The following PLA2R1 variants were observed in gnomAD, a reference collection of about 807,000 sequenced individuals.
PLA2R1 encodes the protein secretory phospholipase A2 receptor.
In PLA2R1, 158 loss-of-function variants were observed where a neutral mutation model predicts 195.9. The observed-to-expected ratio is 0.81, with a 90% confidence interval of 0.71 to 0.92. PLA2R1 has a LOEUF of 0.92. Among genes scored for constraint, PLA2R1 ranks in the 40% least tolerant of loss-of-function variants. The probability of loss-of-function intolerance (pLI) is 0.00; values close to 1 mark genes in which losing one functional copy is unlikely to be tolerated. For synonymous variants in PLA2R1, 586 were observed against 598.2 expected, an observed-to-expected ratio of 0.98 and a Z score of 0.30; for missense variants, 1,626 against 1,764.6, an observed-to-expected ratio of 0.92 and a Z score of 1.41.
intron 20 of PLA2R1, among the ~76,000 whole-genome samples, chr2:159,963,192 T>G (rs1688567257): frequency 6.6e-6 from 1 of 152,180 alleles, no homozygotes; most frequent in Non-Finnish European, 1.5e-5. Context: ...CAGGATAAAC[T>G]TGTTCTAACA....
intron 20 of PLA2R1, among the ~76,000 whole-genome samples, chr2:159,961,475 T>C (rs73967964): frequency 0.05 from 7,598 of 152,290 alleles, 503 homozygotes; most frequent in East Asian, 0.2. Context: ...TTGATGTTTT[T>C]AAAAAGCTCA....
intron 17 of PLA2R1, among the ~76,000 whole-genome samples, chr2:159,972,875 T>C (rs1156298507): frequency 6.6e-6 from 1 of 152,200 alleles, no homozygotes; most frequent in Non-Finnish European, 1.5e-5. Flanking sequence ...AGAGAAAATA[T>C]TGACATTCTT....
intron 11 of PLA2R1, among the ~76,000 whole-genome samples, chr2:160,003,845 A>T (rs1360941960): frequency 2.6e-5 from 4 of 152,254 alleles, no homozygotes; most frequent in African/African-American, 9.6e-5. Flanking sequence ...CAACAGGGTC[A>T]TGGCAAAGCA....
Position 160,009,796 on chromosome 2 carries a change from A to G in PLA2R1, c.1664+3467T>C, listed in dbSNP as rs112570779. ...GCAGGAAAACGGTAGAGCTGTAAAAATGCTTTAAAATAATGCACATTTAAG... is the reference window on the plus strand; with the variant it reads ...GCAGGAAAACGGTAGAGCTGTAAAAGTGCTTTAAAATAATGCACATTTAAG... On this transcript the variant is annotated intron_variant, in intron 10 of 29. Transcript: ENST00000283243. 3.7e-3 allele frequency among the ~76,000 whole-genome samples: 568 copies of G among 152,342 alleles called. 1 individual carries two copies. The highest frequency in any genetic ancestry group is 0.013 in the African/African-American group (539 of 41,568).
At chr2:159,971,692 C>T (rs918169820) in intron 17 of PLA2R1, among the ~76,000 whole-genome samples, 1 of 151,972 alleles carries the variant, frequency 6.6e-6, no homozygotes, top group Non-Finnish European at 1.5e-5. Flanking sequence ...AATTTGAAGG[C>T]ATTATATATT....
intron 6 of PLA2R1, among the ~76,000 whole-genome samples, chr2:160,025,525 G>A (rs1693447741): frequency 1.5e-5 from 2 of 132,622 alleles, no homozygotes; most frequent in Admixed American, 8.6e-5. Flanking sequence ...AAGTTAAGCA[G>A]TTATCAGTAT....
At chr2:159,960,805 C>T (rs2105190697) in intron 20 of PLA2R1, among the ~76,000 whole-genome samples, 1 of 152,198 alleles carries the variant, frequency 6.6e-6, no homozygotes, top group South Asian at 2.1e-4. Context: ...GTTTTAAAAC[C>T]CACTTAATTT....
At chr2:160,043,496 C>T (rs1257907446) in intron 2 of PLA2R1, among the ~76,000 whole-genome samples, 1 of 152,158 alleles carries the variant, frequency 6.6e-6, no homozygotes, top group African/African-American at 2.4e-5. Flanking sequence ...TGGAGAGCCC[C>T]ACCTCTTTCC....
chr2:160,058,370 C>G (rs1422112617), intron 1 of PLA2R1, among the ~76,000 whole-genome samples: 1 of 152,168 alleles, frequency 6.6e-6, no homozygotes, highest in Non-Finnish European at 1.5e-5. Flanking sequence ...CCCTCACCTC[C>G]TTTGATCACT....
At chr2:160,011,217 G>A (rs559343744) in intron 10 of PLA2R1, among the ~76,000 whole-genome samples, 3 of 152,322 alleles carry the variant, frequency 2.0e-5, no homozygotes, top group Admixed American at 1.3e-4. Context: ...GGAATATGAA[G>A]CATTTGTTCT....
chr2:160,049,083 C>T (rs1037489539), intron 1 of PLA2R1, among the ~76,000 whole-genome samples: 1 of 152,020 alleles, frequency 6.6e-6, no homozygotes, highest in African/African-American at 2.4e-5. Flanking sequence ...CCTCGTGATC[C>T]GCCCGCCTCG....
At chr2:160,007,498 A>C (rs1307469497) in intron 10 of PLA2R1, among the ~76,000 whole-genome samples, 2 of 152,260 alleles carry the variant, frequency 1.3e-5, no homozygotes, top group African/African-American at 2.4e-5. Context: ...CTGGACATCC[A>C]GAGGAACACA....
At chr2:159,969,443 G>A (rs911495435) in intron 18 of PLA2R1, 84 bp from the exon 19 acceptor site, 13 of 715,202 alleles carry the variant, frequency 1.8e-5, no homozygotes, top group Admixed American at 1.2e-4. Context: ...CTGAGGTAGG[G>A]ATTGAAGATA....
chr2:159,976,854 G>A (rs1689596203), intron 15 of PLA2R1, 134 bp from the exon 16 acceptor site: 1 of 698,484 alleles, frequency 1.4e-6, no homozygotes, highest in Non-Finnish European at 2.6e-6. Flanking sequence ...ACATTGTGCT[G>A]TTTGGAATAT....
intron 11 of PLA2R1, among the ~76,000 whole-genome samples, chr2:159,996,643 A>C (rs894337408): frequency 2.6e-5 from 4 of 151,686 alleles, no homozygotes; most frequent in African/African-American, 4.8e-5. Flanking sequence ...CTTTTCTTTT[A>C]TTTCTTTCTT....
downstream of PLA2R1, among the ~76,000 whole-genome samples, chr2:159,928,969 A>T (rs550049058): frequency 4.6e-5 from 7 of 152,380 alleles, no homozygotes. Flanking sequence ...ATGAAACTGG[A>T]TCCTCATCTC....
At chr2:159,984,108 T>C (rs375011855) in intron 12 of PLA2R1, 35 bp from the exon 13 acceptor site, 13 of 1,053,146 alleles carry the variant, frequency 1.2e-5, no homozygotes, top group Admixed American at 6.1e-5. Flanking sequence ...AACATTGTTA[T>C]AGATAAAGTC....
At chr2:160,054,540 T>TTTTATTTATTTCCATA in intron 1 of PLA2R1, among the ~76,000 whole-genome samples, 1 of 152,330 alleles carries the variant, frequency 6.6e-6, no homozygotes, top group South Asian at 2.1e-4. Context: ...GGTAACACTA[T>TTTTATTTATTTCCATA]TTTATTTCCA....
chr2:159,942,805 G>T (rs917178268), intron 28 of PLA2R1, among the ~76,000 whole-genome samples: 2 of 152,116 alleles, frequency 1.3e-5, no homozygotes, highest in Admixed American at 1.3e-4. Flanking sequence ...TCTAGGTAAA[G>T]ATCCAGAGAA....
Sources: gnomAD v4.1 joint callset for allele counts (sites outside exome capture counted in the v4.1 genomes callset) on GRCh38, gnomAD v4.1.1 for gene constraint, MANE v1.5 for transcripts, NCBI Gene and HGNC (gene_info 2026-07-23, HGNC 2026-07-21) for gene names.